Variants in REST observed in about 807,000 individuals in gnomAD.
The protein encoded by REST is RE1-silencing transcription factor.
A neutral mutation model predicts 30.4 loss-of-function variants in REST; 1 was observed. That is an observed-to-expected ratio of 0.03 (90% confidence interval 0.01 to 0.16). REST has a LOEUF of 0.16. Ranked by LOEUF, REST falls within the 10% of genes least tolerant of loss-of-function variation. The pLI is 1.00. For missense variants in REST, 1,259 were observed against 1,329.5 expected (o/e 0.95, Z 0.82); for synonymous variants, 504 against 451.1 (o/e 1.12, Z -1.49).
intron 2 of REST, among the ~76,000 whole-genome samples, chr4:56,916,704 C>T (rs7666251): frequency 0.011 from 1,724 of 152,212 alleles, 12 homozygotes; most frequent in Non-Finnish European, 0.019. Flanking sequence ...AGTTTATCTG[C>T]AGTGGTATTT....
chr4:56,910,744 C>G lies in REST; in HGVS notation c.106C>G (p.Leu36Val). 6.2e-7 allele frequency: 1 copy of G among 1,614,166 alleles called. No individual in the cohort carries two copies. Among genetic ancestry groups the G allele is most frequent in the South Asian group, 1.1e-5 (1 of 91,084 alleles). ...LPNDMYDLHD[L>V]SKAELAAPQL... is the part of the protein sequence containing the mutation. The stretch of plus-strand genomic sequence containing the variant: ...TAACGACATGTATGACTTGCATGAC[C>G]TTTCCAAAGCTGAACTGGCCGCACC... The change falls in exon 2 of 4, where the codon CTT becomes GTT. Residue 36 changes from leucine (L) to valine (V), a missense_variant. By Grantham distance (32) the Leu-to-Val change is conservative (BLOSUM62 1). Around this residue, in one of 5 missense-constraint regions of REST, gnomAD observed 249 missense variants for 251.5 expected, o/e 0.99. Coordinates refer to ENST00000309042, the MANE Select transcript of REST (RefSeq NM_005612.5).
At position 56,931,064 on chromosome 4, in the gene REST, C is replaced by T. The variant is rs61754065; in HGVS notation, c.2206C>T (p.Pro736Ser). Residue 736 changes from proline to serine, a missense_variant, in exon 4 of 4, where the codon CCC becomes TCC. By Grantham distance (74) the Pro-to-Ser change is moderately conservative. Coordinates refer to ENST00000309042, the MANE Select transcript of REST (RefSeq NM_005612.5). Reference sequence around the variant, plus strand: ...GCCTGTTCAGATGGAGCTGTCTCCTCCCATGGAGGTGGTCCAGAAGGAGCC... The same window carrying T: ...GCCTGTTCAGATGGAGCTGTCTCCTTCCATGGAGGTGGTCCAGAAGGAGCC... ...KEPVQMELSP[P>S]MEVVQKEPVQ... The T allele has an allele frequency of 6.6e-3, 9,081 of 1,386,398 alleles. 37 individuals are homozygous for T. Among genetic ancestry groups the T allele is most frequent in the Non-Finnish European group, 8.2e-3 (8,242 of 1,002,294 alleles). The allele number at this position is 1,386,398 out of a possible 1,614,324, so 85.9% of individuals were successfully genotyped here. A position where few individuals can be genotyped will look rare whatever the true frequency, so the allele number is the denominator to read the frequency against.
intron 1 of REST, among the ~76,000 whole-genome samples, chr4:56,909,975 TC>T (rs1719822548): frequency 1.3e-5 from 2 of 152,364 alleles, no homozygotes; most frequent in Non-Finnish European, 2.9e-5. Flanking sequence ...AAATCAAACT[TC>T]CTTTTTCACA....
intron 2 of REST, 60 bp downstream of exon 2, chr4:56,911,596 T>C: frequency 7.2e-7 from 1 of 1,396,238 alleles, no homozygotes; most frequent in Non-Finnish European, 9.9e-7. Flanking sequence ...ACTTGAGTGG[T>C]TAGTTAAGTA....
In REST at chr4:56,910,928, C is replaced by A; in HGVS notation, c.290C>A (p.Ala97Asp). Residue 97 changes from alanine (A) to aspartate (D), a missense_variant, in exon 2 of 4, where the codon GCT becomes GAT. By Grantham distance (126) the Ala-to-Asp change is moderately radical. This residue lies in a region of REST where 249 missense variants were observed against 251.5 expected (regional missense o/e 0.99). Transcript: ENST00000309042. ...GAAGGAGAAGGACTTGAAGAGTCTG[C>A]TGATATAAAAGGTGAACCTCATGGA... ...SEEGEGLEES[A>D]DIKGEPHGLE... 6.2e-7 allele frequency: 1 copy of A among 1,614,144 alleles called. No homozygotes were observed. Among genetic ancestry groups the A allele is most frequent in the Non-Finnish European group, 8.5e-7 (1 of 1,180,032 alleles).
Position 56,935,648 on chromosome 4 carries a change from T to A in REST, c.*3496T>A, listed in dbSNP as rs1721123416. On this transcript the variant is annotated 3_prime_UTR_variant, in exon 4 of 4. Coordinates refer to ENST00000309042, the MANE Select transcript of REST (RefSeq NM_005612.5). ...GTTCTTGCTGCCTTCTTTAGCAGCATTTGATGGAAGATCTTTTATACATTT... is the reference window on the plus strand; with the variant it reads ...GTTCTTGCTGCCTTCTTTAGCAGCAATTGATGGAAGATCTTTTATACATTT... The A allele has an allele frequency of 6.6e-6, 1 of 152,226 alleles. No individual in the cohort carries two copies. Among genetic ancestry groups the A allele is most frequent in the African/African-American group, 2.4e-5 (1 of 41,454 alleles). 9.4% of individuals were successfully genotyped at this position (152,226 alleles called of 1,614,324 possible).
intron 3 of REST, among the ~76,000 whole-genome samples, chr4:56,925,365 A>ATG (rs1720652011): frequency 6.6e-6 from 1 of 151,968 alleles, no homozygotes; most frequent in Admixed American, 6.6e-5. Flanking sequence ...GGCTTGTGCT[A>ATG]TAACATGTGG....
chr4:56,927,173 T>TG (rs766435854), intron 3 of REST, among the ~76,000 whole-genome samples: 4 of 152,202 alleles, frequency 2.6e-5, no homozygotes, highest in Non-Finnish European at 5.9e-5. Flanking sequence ...GTGAGCAACT[T>TG]GCAGAGCTCA....
chr4:56,916,386 G>A (rs1203594230), intron 2 of REST, among the ~76,000 whole-genome samples: 1 of 152,178 alleles, frequency 6.6e-6, no homozygotes, highest in East Asian at 1.9e-4. Context: ...AGCAGGCTGG[G>A]CGAGATGGCT....
Position 56,933,733 on chromosome 4 carries a change from C to T in REST, c.*1581C>T, listed in dbSNP as rs1204515052. On this transcript the variant is annotated 3_prime_UTR_variant, in exon 4 of 4. Transcript: ENST00000309042. ...AGTTGCCAAAGAGTGTGAAAGAATC[C>T]AATAGAGGATTTTTCTTACTGATAG... 6.6e-6 allele frequency: 1 copy of T among 152,078 alleles called. No individual in the cohort carries two copies. Among genetic ancestry groups the T allele is most frequent in the African/African-American group, 2.4e-5 (1 of 41,444 alleles). 9.4% of individuals were successfully genotyped at this position (152,078 alleles called of 1,614,324 possible).
intron 3 of REST, 71 bp from the exon 4 acceptor site, chr4:56,929,770 C>T (rs1720880784): frequency 1.5e-6 from 2 of 1,355,674 alleles, no homozygotes; most frequent in Admixed American, 2.3e-5. Flanking sequence ...TTTACATATA[C>T]AGTTCTTTAT....
At chr4:56,919,938 C>A in intron 3 of REST, 68 bp downstream of exon 3, 2 of 716,934 alleles carry the variant, frequency 2.8e-6, no homozygotes, top group Non-Finnish European at 2.3e-6. Context: ...TTCTTTTAGA[C>A]TTGTAACCGA....
At position 56,930,153 on chromosome 4, in the gene REST, A is replaced by C. The variant is rs768459194; in HGVS notation, c.1295A>C (p.Lys432Thr). ...VSKVKLKKTK[K>T]READLPDNIT... ...AAAGTGAAACTAAAGAAAACCAAAA[A>C]ACGAGAGGCTGACTTGCCTGATAAT... The change falls in exon 4 of 4, where the codon AAA (lysine) becomes ACA (threonine). Residue 432 changes from lysine (K) to threonine (T), a missense_variant. Lys to Thr is a moderately conservative substitution (Grantham distance 78, BLOSUM62 -1). This residue lies in a region of REST where 856 missense variants were observed against 772.8 expected (regional missense o/e 1.11). Coordinates refer to ENST00000309042, the MANE Select transcript of REST (RefSeq NM_005612.5). 3 of 1,613,438 alleles carry C rather than the reference A, an allele frequency of 1.9e-6. No homozygotes were observed. The East Asian group carries it at 6.7e-5, about 36-fold the overall frequency.
At position 56,930,872 on chromosome 4, in the gene REST, C is replaced by T; in HGVS notation, c.2014C>T (p.Pro672Ser). Reference sequence around the variant, plus strand: ...GAAGGAGCTGCTGCCTCCCGTGGAGCCTGCTCAGATGGTGGGTGCCCAAAT... The same window carrying T: ...GAAGGAGCTGCTGCCTCCCGTGGAGTCTGCTCAGATGGTGGGTGCCCAAAT... ...AQKELLPPVE[P>S]AQMVGAQIVL... The change falls in exon 4 of 4, where the codon CCT becomes TCT. Residue 672 changes from proline (P) to serine (S), a missense_variant. This residue lies in a region of REST where 856 missense variants were observed against 772.8 expected (regional missense o/e 1.11). Coordinates refer to ENST00000309042, the MANE Select transcript of REST (RefSeq NM_005612.5). The T allele has an allele frequency of 6.2e-7, 1 of 1,614,010 alleles. No individual in the cohort carries two copies.
rs1047216060 is a variant in REST at position 56,934,838 on chromosome 4, A to G, written c.*2686A>G. On this transcript the variant is annotated 3_prime_UTR_variant, in exon 4 of 4. Transcript: ENST00000309042. ...TAAACTTGAAATACTAGCATATATT[A>G]TAAGCCTTAATCTTAGGTAGTCTTA... is the stretch of plus-strand genomic sequence containing the variant. 1.3e-5 allele frequency: 2 copies of G among 152,240 alleles called. No homozygotes were observed. 9.4% of individuals were successfully genotyped at this position (152,240 alleles called of 1,614,324 possible). A position where few individuals can be genotyped will look rare whatever the true frequency, so the allele number is the denominator to read the frequency against.
rs1719701918 is a variant in REST at position 56,908,080 on chromosome 4, G to C, written c.-143G>C. ...TGCAGCCCCACTCCTGGGCCTTCTTGGTCCACGACGGCCCCAGCACCCAAC... is the reference window on the plus strand; with the variant it reads ...TGCAGCCCCACTCCTGGGCCTTCTTCGTCCACGACGGCCCCAGCACCCAAC... On this transcript the variant is annotated 5_prime_UTR_variant, in exon 1 of 4. Coordinates refer to ENST00000309042, the MANE Select transcript of REST (RefSeq NM_005612.5). 1 of 342,896 alleles carries C rather than the reference G, an allele frequency of 2.9e-6. No individual in the cohort carries two copies. The highest frequency in any genetic ancestry group is 4.8e-5 in the Admixed American group (1 of 20,828). The allele number at this position is 342,896 out of a possible 1,614,324, so 21.2% of individuals were successfully genotyped here.
rs1440290819 is a variant in REST, at chr4:56,907,918, T to G, written c.-305T>G. The G allele has an allele frequency of 2.1e-5, 5 of 239,684 alleles. No individual in the cohort carries two copies. Among genetic ancestry groups the G allele is most frequent in the Non-Finnish European group, 3.9e-5 (5 of 127,574 alleles). 14.8% of individuals were successfully genotyped at this position (239,684 alleles called of 1,614,324 possible). A position where few individuals can be genotyped will look rare whatever the true frequency, so the allele number is the denominator to read the frequency against. Reference sequence around the variant, plus strand: ...GGACTGGGTGCGCGGCGCAGCGTCCTGTGTTGGAATGTGCGGCTGCCGCGA... The same window carrying G: ...GGACTGGGTGCGCGGCGCAGCGTCCGGTGTTGGAATGTGCGGCTGCCGCGA... On this transcript the variant is annotated 5_prime_UTR_variant, in exon 1 of 4. Coordinates refer to ENST00000309042, the MANE Select transcript of REST (RefSeq NM_005612.5).
chr4:56,926,185 G>T (rs1015283557), intron 3 of REST, among the ~76,000 whole-genome samples: 1 of 145,568 alleles, frequency 6.9e-6, no homozygotes, highest in African/African-American at 2.5e-5. Context: ...TCAGCCTCCC[G>T]AGTAGCTGGG....
At position 56,931,144 on chromosome 4, in the gene REST, G is replaced by A. The variant is rs1206130389; in HGVS notation, c.2286G>A (p.Lys762=). ...AGGTGGTCCAGAAGGAACCTGTTAA[G>A]ATAGAGCTGTCTCCTCCCATAGAGG... ...PMEVVQKEPV[K]IELSPPIEVV... is the part of the protein sequence containing the mutation. Residue 762 remains lysine (K), a synonymous_variant, in exon 4 of 4, where the codon AAG becomes AAA. Coordinates refer to ENST00000309042, the MANE Select transcript of REST (RefSeq NM_005612.5). 4.4e-6 allele frequency: 7 copies of A among 1,607,972 alleles called. No individual in the cohort carries two copies. Among genetic ancestry groups the A allele is most frequent in the Middle Eastern group, 1.6e-4 (1 of 6,062 alleles).
Sources: allele counts gnomAD v4.1 joint callset (sites outside exome capture counted in the v4.1 genomes callset), GRCh38; gene constraint gnomAD v4.1.1; regional missense constraint gnomAD v4.1.1; transcripts MANE v1.5; gene names NCBI Gene and HGNC (gene_info 2026-07-23, HGNC 2026-07-21).